The following MDFIC variants were observed in gnomAD, a reference collection of about 807,000 sequenced individuals.
MDFIC encodes myoD family inhibitor domain-containing protein.
Under a neutral mutation model 23.2 loss-of-function variants are expected in MDFIC, and 17 were observed. The observed-to-expected ratio is 0.73, with a 90% CI of 0.50 to 1.10. MDFIC has a LOEUF of 1.10. MDFIC is among the 50% of genes least tolerant of loss of function. MDFIC has a pLI of 0.00. For synonymous variants in MDFIC, 120 were observed against 115.2 expected (o/e 1.04, Z -0.27); for missense variants, 356 against 316.6 (o/e 1.12, Z -0.95).
In MDFIC at chr7:114,990,816, C is replaced by T. The variant is rs185045495; in HGVS notation, c.493+11035C>T. Among the ~76,000 whole-genome samples the T allele has an allele frequency of 1.2e-3, 176 of 152,238 alleles. 3 individuals are homozygous for T. In the East Asian group the frequency reaches 0.03, roughly 26 times the overall value. On this transcript the variant is annotated intron_variant, in intron 4 of 4. Transcript: ENST00000393486. ...TAGTGCCCCAATAAACATACATGTG[C>T]ATGTGTCTTTATAGCAGCATGATTT...
At position 115,015,895 on chromosome 7, in the gene MDFIC, A is replaced by C. The variant is rs199533805; in HGVS notation, c.701A>C (p.Glu234Ala). 6.2e-7 allele frequency: 1 copy of C among 1,614,122 alleles called. No individual in the cohort carries two copies. The highest frequency in any genetic ancestry group is 2.2e-5 in the East Asian group (1 of 44,880). The change falls in exon 5 of 5, where the codon GAA (glutamate) becomes GCA (alanine). Residue 234 changes from glutamate (E) to alanine (A), a missense_variant. Physicochemically the swap from Glu to Ala is moderately radical, Grantham distance 107. Coordinates refer to ENST00000393486, the MANE Select transcript of MDFIC (RefSeq NM_001166345.3). ...TGTTGTGAATCATCAGACTGCTTGG[A>C]AATCTGTATGGAATGCTGTGGAATT... ...DACCESSDCL[E>A]ICMECCGICF...
chr7:114,971,171 G>A (rs1170424583), intron 3 of MDFIC, among the ~76,000 whole-genome samples: 1 of 152,096 alleles, frequency 6.6e-6, no homozygotes, highest in Non-Finnish European at 1.5e-5. Flanking sequence ...ACAAATATAT[G>A]GACAGTTTTC....
At chr7:114,981,860 G>C (rs1348800827) in intron 4 of MDFIC, among the ~76,000 whole-genome samples, 1 of 152,112 alleles carries the variant, frequency 6.6e-6, no homozygotes, top group African/African-American at 2.4e-5. Context: ...CTGACTTTCA[G>C]TTTTGAAGTT....
chr7:115,009,586 C>T (rs1645231999), intron 4 of MDFIC, among the ~76,000 whole-genome samples: 1 of 152,172 alleles, frequency 6.6e-6, no homozygotes, highest in South Asian at 2.1e-4. Context: ...TCATTTTAAG[C>T]AGCACAGAGT....
At chr7:114,991,594 T>A (rs1791163158) in intron 4 of MDFIC, among the ~76,000 whole-genome samples, 1 of 152,242 alleles carries the variant, frequency 6.6e-6, no homozygotes, top group Non-Finnish European at 1.5e-5. Context: ...CAGCACCATG[T>A]ATTAAATAGG....
chr7:115,014,220 A>T, intron 4 of MDFIC: 1 of 985,382 alleles, frequency 1.0e-6, no homozygotes, highest in Non-Finnish European at 1.2e-6. Context: ...TCAAGGAGTT[A>T]GGGAGTTTAG....
In MDFIC at chr7:114,939,593, G is replaced by C. The variant is rs368212708; in HGVS notation, c.95-2682G>C. Among the ~76,000 whole-genome samples the C allele has an allele frequency of 2.6e-5, 4 of 152,208 alleles. No individual in the cohort carries two copies. The East Asian group carries it at 7.7e-4, about 29-fold the overall frequency. On this transcript the variant is annotated intron_variant, in intron 2 of 4. Coordinates refer to ENST00000393486, the MANE Select transcript of MDFIC (RefSeq NM_001166345.3). Reference sequence around the variant, plus strand: ...CAGGAAGAACTTTATTTTTTGCCTAGAGTGGGTTATATAGTTGTGCATCTA... The same window carrying C: ...CAGGAAGAACTTTATTTTTTGCCTACAGTGGGTTATATAGTTGTGCATCTA...
intron 3 of MDFIC, among the ~76,000 whole-genome samples, chr7:114,971,913 C>CA (rs1268589529): frequency 6.6e-6 from 1 of 150,608 alleles, no homozygotes; most frequent in Non-Finnish European, 1.5e-5. Context: ...TGTTTATTTG[C>CA]AAAAAGGCTT....
At chr7:114,995,564 G>A (rs528620574) in intron 4 of MDFIC, among the ~76,000 whole-genome samples, 1 of 152,198 alleles carries the variant, frequency 6.6e-6, no homozygotes, top group Non-Finnish European at 1.5e-5. Flanking sequence ...CCTTCTAACA[G>A]TCAGGACCCT....
intron 2 of MDFIC, among the ~76,000 whole-genome samples, chr7:114,933,711 G>A (rs887870374): frequency 6.6e-6 from 1 of 152,214 alleles, no homozygotes; most frequent in Middle Eastern, 3.2e-3. Flanking sequence ...TGATTAGAAT[G>A]TGATGCCTCT....
At chr7:114,956,283 C>A (rs1284180108) in intron 3 of MDFIC, among the ~76,000 whole-genome samples, 1 of 151,984 alleles carries the variant, frequency 6.6e-6, no homozygotes, top group African/African-American at 2.4e-5. Context: ...TCCTTCAGAA[C>A]TTCATCTTTG....
rs1791821599 is a variant in MDFIC at position 115,017,758 on chromosome 7, A to G, written c.*1823A>G. 1.3e-5 allele frequency: 2 copies of G among 152,440 alleles called. No homozygotes were observed. The highest frequency in any genetic ancestry group is 2.1e-4 in the South Asian group (1 of 4,830). 9.4% of individuals were successfully genotyped at this position (152,440 alleles called of 1,614,324 possible). Reference sequence around the variant, plus strand: ...AAATTGTAGTTTGGTTTGATTTAATATAATTCTTAGTAGAAATTTTGAAAG... The same window carrying G: ...AAATTGTAGTTTGGTTTGATTTAATGTAATTCTTAGTAGAAATTTTGAAAG... On this transcript the variant is annotated 3_prime_UTR_variant, in exon 5 of 5. Coordinates refer to ENST00000393486, the MANE Select transcript of MDFIC (RefSeq NM_001166345.3).
intron 2 of MDFIC, among the ~76,000 whole-genome samples, chr7:114,927,325 C>CTTT (rs10686214): frequency 3.2e-4 from 45 of 141,802 alleles, no homozygotes; most frequent in African/African-American, 8.3e-4. Context: ...AAAAACAGTC[C>CTTT]TTTTTTTTTT....
intron 3 of MDFIC, among the ~76,000 whole-genome samples, chr7:114,979,111 A>G (rs1793370508): frequency 6.6e-6 from 1 of 152,096 alleles, no homozygotes; most frequent in African/African-American, 2.4e-5. Context: ...GTAGTTTGTT[A>G]TTAGTAGTAG....
intron 4 of MDFIC, among the ~76,000 whole-genome samples, chr7:114,998,988 G>T (rs1346664731): frequency 6.6e-6 from 1 of 151,994 alleles, no homozygotes; most frequent in Admixed American, 6.6e-5. Context: ...TCTCATTTTG[G>T]TTGTTACTCC....
intron 4 of MDFIC, among the ~76,000 whole-genome samples, chr7:114,987,899 T>C (rs889615252): frequency 1.3e-5 from 2 of 152,196 alleles, no homozygotes; most frequent in Non-Finnish European, 2.9e-5. Flanking sequence ...TCTTAAAGTT[T>C]AGGAAAATAA....
chr7:114,946,893 G>C (rs1319874366), intron 3 of MDFIC, among the ~76,000 whole-genome samples: 2 of 152,132 alleles, frequency 1.3e-5, no homozygotes, highest in Non-Finnish European at 2.9e-5. Context: ...ACTTAATGCG[G>C]ATCACCCCTT....
At chr7:114,922,858 G>T in intron 1 of MDFIC, 69 bp from the exon 2 acceptor site, 1 of 1,487,052 alleles carries the variant, frequency 6.7e-7, no homozygotes, top group Non-Finnish European at 9.0e-7. Flanking sequence ...GGGAGGGAAC[G>T]TCCCGCAGGG....
intron 4 of MDFIC, chr7:115,014,563 G>A: frequency 5.6e-6 from 7 of 1,250,468 alleles, no homozygotes; most frequent in South Asian, 1.3e-5. Context: ...GTGTCTTATC[G>A]CTATTGTAGG....
Sources: allele counts gnomAD v4.1 joint callset (sites outside exome capture counted in the v4.1 genomes callset), GRCh38; gene constraint gnomAD v4.1.1; transcripts MANE v1.5; gene names NCBI Gene and HGNC (gene_info 2026-07-23, HGNC 2026-07-21).